The following GNAQ variants were observed in gnomAD, a reference collection of about 807,000 sequenced individuals.
GNAQ encodes G protein subunit alpha q.
A neutral mutation model predicts 43.9 loss-of-function variants in GNAQ; 8 were observed. The observed-to-expected ratio is 0.18, with a 90% CI of 0.11 to 0.33. The LOEUF is 0.33. Ranked by LOEUF, GNAQ falls within the 10% of genes least tolerant of loss-of-function variation. GNAQ has a pLI of 1.00. For synonymous variants in GNAQ, 155 were observed against 170.7 expected (o/e 0.91, Z 0.71); for missense variants, 158 against 450.8 (o/e 0.35, Z 5.88).
intron 1 of GNAQ, among the ~76,000 whole-genome samples, chr9:77,993,284 T>C (rs1027990537): frequency 1.3e-5 from 2 of 152,130 alleles, no homozygotes; most frequent in Non-Finnish European, 2.9e-5. Flanking sequence ...ATATATAATA[T>C]ATATAGACTA....
At chr9:77,995,848 G>A (rs1172824503) in intron 1 of GNAQ, among the ~76,000 whole-genome samples, 1 of 152,028 alleles carries the variant, frequency 6.6e-6, no homozygotes, top group Non-Finnish European at 1.5e-5. Context: ...GAATTCATTA[G>A]ACACTTCAGT....
At chr9:77,930,200 C>T (rs1168225924) in intron 1 of GNAQ, among the ~76,000 whole-genome samples, 1 of 152,160 alleles carries the variant, frequency 6.6e-6, no homozygotes, top group Admixed American at 6.5e-5. Flanking sequence ...CATCCCCCAC[C>T]TCACTTTTGA....
At chr9:77,972,955 A>C (rs1403892038) in intron 1 of GNAQ, among the ~76,000 whole-genome samples, 1 of 112,312 alleles carries the variant, frequency 8.9e-6, no homozygotes, top group East Asian at 4.0e-4. Context: ...CTCCATCTCA[A>C]AAAAAAAAAA....
intron 1 of GNAQ, among the ~76,000 whole-genome samples, chr9:77,989,536 A>G (rs1442489793): frequency 6.6e-6 from 1 of 152,224 alleles, no homozygotes; most frequent in East Asian, 1.9e-4. Context: ...CCTTGCTCCC[A>G]AGAAGAAAAC....
chr9:77,887,800 A>G lies in GNAQ; in HGVS notation c.321+34361T>C, dbSNP rs1003002957. Among the ~76,000 whole-genome samples the G allele has an allele frequency of 3.9e-5, 6 of 152,250 alleles. No individual in the cohort carries two copies. In the East Asian group the frequency reaches 1.2e-3, roughly 29 times the overall value. ...CATATAACATGTTTTTAATATACAT[A>G]TACACACACACTATTATTCCCCAAG... is the stretch of plus-strand genomic sequence containing the variant. On this transcript the variant is annotated intron_variant, in intron 2 of 6. Coordinates refer to ENST00000286548, the MANE Select transcript of GNAQ (RefSeq NM_002072.5).
chr9:77,909,929 A>G (rs1828772240), intron 2 of GNAQ, among the ~76,000 whole-genome samples: 1 of 152,142 alleles, frequency 6.6e-6, no homozygotes, highest in Non-Finnish European at 1.5e-5. Flanking sequence ...GTCATTTTTT[A>G]AAGTGCATTT....
chr9:77,746,128 C>A (rs1386626209), intron 5 of GNAQ, among the ~76,000 whole-genome samples: 1 of 151,956 alleles, frequency 6.6e-6, no homozygotes. Flanking sequence ...GAGTCTATAC[C>A]CAGCCAAAAT....
chr9:77,775,031 T>C (rs1014771713), intron 5 of GNAQ, among the ~76,000 whole-genome samples: 3 of 152,222 alleles, frequency 2.0e-5, no homozygotes, highest in African/African-American at 7.2e-5. Context: ...ATCAGATGCA[T>C]GCTGTACGTG....
intron 2 of GNAQ, among the ~76,000 whole-genome samples, chr9:77,824,218 A>C (rs1827157861): frequency 6.6e-6 from 1 of 152,182 alleles, no homozygotes; most frequent in African/African-American, 2.4e-5. Context: ...TAGGTCAATA[A>C]ATTTGAAACT....
At chr9:77,873,698 G>A (rs1184286680) in intron 2 of GNAQ, among the ~76,000 whole-genome samples, 1 of 152,194 alleles carries the variant, frequency 6.6e-6, no homozygotes, top group Non-Finnish European at 1.5e-5. Context: ...GCAACGAGGG[G>A]AAGCAAGATA....
At chr9:77,908,989 C>T (rs1828755779) in intron 2 of GNAQ, among the ~76,000 whole-genome samples, 1 of 152,198 alleles carries the variant, frequency 6.6e-6, no homozygotes, top group Non-Finnish European at 1.5e-5. Flanking sequence ...AAGCTGTCAT[C>T]ACTGGAATAT....
At chr9:78,007,562 T>G (rs1823722711) in intron 1 of GNAQ, among the ~76,000 whole-genome samples, 1 of 152,240 alleles carries the variant, frequency 6.6e-6, no homozygotes, top group South Asian at 2.1e-4. Context: ...CATGCATTAT[T>G]AATTTCAATT....
intron 5 of GNAQ, among the ~76,000 whole-genome samples, chr9:77,755,873 T>C (rs771768922): frequency 6.6e-6 from 1 of 152,206 alleles, no homozygotes; most frequent in Non-Finnish European, 1.5e-5. Flanking sequence ...CTTGATTGGA[T>C]TGAAGGATGC....
chr9:77,916,907 G>A (rs1828916604), intron 2 of GNAQ, among the ~76,000 whole-genome samples: 1 of 152,116 alleles, frequency 6.6e-6, no homozygotes, highest in South Asian at 2.1e-4. Context: ...GAGAGCAATG[G>A]CCTATCAATA....
chr9:77,968,169 T>C (rs139603501), intron 1 of GNAQ, among the ~76,000 whole-genome samples: 8 of 152,300 alleles, frequency 5.3e-5, no homozygotes, highest in African/African-American at 1.9e-4. Flanking sequence ...CTGAGTATAC[T>C]TAAAATGGTG....
At chr9:77,983,167 T>C (rs925536546) in intron 1 of GNAQ, among the ~76,000 whole-genome samples, 5 of 152,188 alleles carry the variant, frequency 3.3e-5, no homozygotes, top group African/African-American at 1.2e-4. Flanking sequence ...AACTGGCACT[T>C]TGTTTCTCAC....
chr9:78,003,688 C>T (rs551123304), intron 1 of GNAQ, among the ~76,000 whole-genome samples: 3 of 151,908 alleles, frequency 2.0e-5, no homozygotes, highest in South Asian at 2.1e-4. Flanking sequence ...TGGTAATGCA[C>T]GCCTGTAATC....
chr9:77,861,952 C>G (rs957192945), intron 2 of GNAQ, among the ~76,000 whole-genome samples: 1 of 144,402 alleles, frequency 6.9e-6, no homozygotes, highest in Non-Finnish European at 1.5e-5. Flanking sequence ...TTGCGGTGAG[C>G]TGAGATCGTG....
At chr9:77,834,855 T>A (rs1274887420) in intron 2 of GNAQ, among the ~76,000 whole-genome samples, 1 of 152,192 alleles carries the variant, frequency 6.6e-6, no homozygotes, top group African/African-American at 2.4e-5. Context: ...AGGAAAATAG[T>A]GAAGATCTAC....
Sources: gnomAD v4.1 joint callset for allele counts (sites outside exome capture counted in the v4.1 genomes callset) on GRCh38, gnomAD v4.1.1 for gene constraint, MANE v1.5 for transcripts, NCBI Gene and HGNC (gene_info 2026-07-23, HGNC 2026-07-21) for gene names.